Variants in MMP16 observed in about 807,000 individuals in gnomAD.
The protein encoded by MMP16 is matrix metallopeptidase 16, also known as matrix metalloproteinase-16.
In MMP16, 12 loss-of-function variants were observed where a neutral mutation model predicts 67.8. That is an observed-to-expected ratio of 0.18 (90% CI 0.11 to 0.29). The LOEUF (loss-of-function observed/expected upper bound fraction) is 0.29. Ranked by LOEUF, MMP16 falls within the 10% of genes least tolerant of loss-of-function variation. The probability of loss-of-function intolerance (pLI) is 1.00; values close to 1 mark genes in which losing one functional copy is unlikely to be tolerated. For missense variants in MMP16, 475 were observed against 765.7 expected (o/e 0.62, Z 4.48); for synonymous variants, 249 against 255.9 (o/e 0.97, Z 0.26).
rs1809085004 is a variant in MMP16 at position 88,186,948 on chromosome 8, T to C, written c.282-350A>G. Among the ~76,000 whole-genome samples, 3 of 152,310 alleles carry C rather than the reference T, an allele frequency of 2.0e-5. No homozygotes were observed. The South Asian group carries it at 6.2e-4, about 32-fold the overall frequency. ...TAATCTTGGGCAAGTCTTTAATTCCTAGTGCTACTCATAAAATGCCACTAA... is the reference window on the plus strand; with the variant it reads ...TAATCTTGGGCAAGTCTTTAATTCCCAGTGCTACTCATAAAATGCCACTAA... On this transcript the variant is annotated intron_variant, in intron 2 of 9. Transcript: ENST00000286614.
intron 6 of MMP16, among the ~76,000 whole-genome samples, chr8:88,078,368 C>T (rs902960864): frequency 4.6e-5 from 7 of 152,118 alleles, no homozygotes; most frequent in African/African-American, 1.7e-4. Context: ...GAGATAAATT[C>T]ACATAGTGTA....
At chr8:88,137,759 T>A (rs558646581) in intron 4 of MMP16, among the ~76,000 whole-genome samples, 2 of 152,088 alleles carry the variant, frequency 1.3e-5, no homozygotes, top group South Asian at 4.1e-4. Context: ...TATGCATGTC[T>A]CTACTCATTT....
chr8:88,207,156 C>A (rs188762931), intron 1 of MMP16, among the ~76,000 whole-genome samples: 3 of 152,240 alleles, frequency 2.0e-5, no homozygotes, highest in Non-Finnish European at 2.9e-5. Context: ...ATACACAAAT[C>A]TATTATAAAA....
chr8:88,073,749 T>C lies in MMP16; in HGVS notation c.1222+856A>G, dbSNP rs141563233. Among the ~76,000 whole-genome samples the C allele has an allele frequency of 2.3e-3, 347 of 152,268 alleles. 2 individuals are homozygous for C. Among genetic ancestry groups the C allele is most frequent in the African/African-American group, 7.4e-3 (309 of 41,566 alleles). On this transcript the variant is annotated intron_variant, in intron 7 of 9. Transcript: ENST00000286614. Reference sequence around the variant, plus strand: ...TATTTTAGTTTGATTCTGGGAATAATTGCTTTTTGAGGGATTAAGATCCCC... The same window carrying C: ...TATTTTAGTTTGATTCTGGGAATAACTGCTTTTTGAGGGATTAAGATCCCC...
At chr8:88,301,887 C>T (rs1811107144) in intron 1 of MMP16, among the ~76,000 whole-genome samples, 1 of 152,182 alleles carries the variant, frequency 6.6e-6, no homozygotes, top group East Asian at 1.9e-4. Context: ...AAACTTTTTA[C>T]TGTTTCACAA....
intron 4 of MMP16, among the ~76,000 whole-genome samples, chr8:88,165,198 A>G (rs1586184975): frequency 6.7e-6 from 1 of 149,874 alleles, no homozygotes; most frequent in Non-Finnish European, 1.5e-5. Context: ...AAAAAAAAAA[A>G]AGAAAGAAAG....
At chr8:88,168,874 AT>A (rs889634991) in intron 3 of MMP16, among the ~76,000 whole-genome samples, 22 of 149,930 alleles carry the variant, frequency 1.5e-4, no homozygotes, top group African/African-American at 3.7e-4. Flanking sequence ...AATATTTTTG[AT>A]TTTTTTTTTC....
intron 1 of MMP16, among the ~76,000 whole-genome samples, chr8:88,266,858 T>C (rs1810485041): frequency 6.6e-6 from 1 of 152,218 alleles, no homozygotes; most frequent in Admixed American, 6.5e-5. Flanking sequence ...GTAGCAATTA[T>C]CCTCAAATTG....
chr8:88,289,995 T>C (rs1479560739), intron 1 of MMP16, among the ~76,000 whole-genome samples: 1 of 152,164 alleles, frequency 6.6e-6, no homozygotes, highest in African/African-American at 2.4e-5. Context: ...TCTCGCTTTA[T>C]CTGGCCTTAA....
At chr8:88,298,804 A>C (rs1350522855) in intron 1 of MMP16, among the ~76,000 whole-genome samples, 1 of 152,170 alleles carries the variant, frequency 6.6e-6, no homozygotes, top group Non-Finnish European at 1.5e-5. Context: ...ATTGCTTTTT[A>C]AGTCATCTCT....
intron 8 of MMP16, among the ~76,000 whole-genome samples, chr8:88,051,492 A>G (rs1258881065): frequency 6.6e-6 from 1 of 152,178 alleles, no homozygotes; most frequent in Admixed American, 6.5e-5. Flanking sequence ...GACTTTAATC[A>G]GATAATTTTT....
intron 1 of MMP16, among the ~76,000 whole-genome samples, chr8:88,223,821 C>T (rs1161158473): frequency 6.6e-6 from 1 of 151,532 alleles, no homozygotes; most frequent in Non-Finnish European, 1.5e-5. Context: ...GCACATGTAC[C>T]CTAGAACTTA....
intron 1 of MMP16, among the ~76,000 whole-genome samples, chr8:88,231,073 C>A (rs1281576449): frequency 6.6e-6 from 1 of 151,972 alleles, no homozygotes; most frequent in African/African-American, 2.4e-5. Flanking sequence ...TGTCAGTGTC[C>A]AATATAAAGA....
intron 3 of MMP16, among the ~76,000 whole-genome samples, chr8:88,180,525 T>C (rs1485613025): frequency 1.3e-5 from 2 of 151,514 alleles, no homozygotes; most frequent in Non-Finnish European, 2.9e-5. Context: ...GAAAAGAAAA[T>C]TATTGGGGAT....
chr8:88,165,321 T>C (rs900338897), intron 4 of MMP16, among the ~76,000 whole-genome samples: 2 of 151,876 alleles, frequency 1.3e-5, no homozygotes, highest in Non-Finnish European at 2.9e-5. Flanking sequence ...TTCTTTCATA[T>C]AGGATTTTAA....
At chr8:88,063,753 C>CAA (rs1186928903) in intron 7 of MMP16, among the ~76,000 whole-genome samples, 1 of 151,978 alleles carries the variant, frequency 6.6e-6, no homozygotes, top group Non-Finnish European at 1.5e-5. Context: ...TCTTACTATG[C>CAA]AAAATTGACT....
At chr8:88,156,319 CA>C (rs1334004076) in intron 4 of MMP16, among the ~76,000 whole-genome samples, 1 of 151,994 alleles carries the variant, frequency 6.6e-6, no homozygotes, top group Non-Finnish European at 1.5e-5. Flanking sequence ...CTTTACTGAA[CA>C]GAGGTGGAAT....
intron 4 of MMP16, among the ~76,000 whole-genome samples, chr8:88,138,843 C>G (rs570605467): frequency 7.2e-5 from 11 of 152,108 alleles, no homozygotes; most frequent in African/African-American, 2.4e-4. Context: ...CATACATATG[C>G]ATGTTATTTT....
At chr8:88,308,547 A>G (rs1811246198) in intron 1 of MMP16, among the ~76,000 whole-genome samples, 1 of 152,070 alleles carries the variant, frequency 6.6e-6, no homozygotes. Context: ...AACCTGAGCA[A>G]GAGTGAGGGA....
Sources: gnomAD v4.1 joint callset for allele counts (sites outside exome capture counted in the v4.1 genomes callset) on GRCh38, gnomAD v4.1.1 for gene constraint, MANE v1.5 for transcripts, NCBI Gene and HGNC (gene_info 2026-07-23, HGNC 2026-07-21) for gene names.